Variants in STIP1 observed in about 807,000 individuals in gnomAD.
STIP1 encodes stress-induced-phosphoprotein 1.
A neutral mutation model predicts 77.4 loss-of-function variants in STIP1; 16 were observed. That is an observed-to-expected ratio of 0.21 (90% CI 0.14 to 0.31). STIP1 has a LOEUF of 0.31. STIP1 is among the 10% of genes least tolerant of loss of function. The probability of loss-of-function intolerance (pLI) is 1.00; values close to 1 mark genes in which losing one functional copy is unlikely to be tolerated. For missense variants in STIP1, 524 were observed against 684.8 expected (o/e 0.77, Z 2.62); for synonymous variants, 258 against 246.6 (o/e 1.05, Z -0.44).
chr11:64,186,204 G>A lies in STIP1; in HGVS notation c.-58G>A. 2 of 1,550,856 alleles carry A rather than the reference G, an allele frequency of 1.3e-6. No individual in the cohort carries two copies. Among genetic ancestry groups the A allele is most frequent in the Non-Finnish European group, 1.7e-6 (2 of 1,146,960 alleles). ...GTAGGTTCCAGAAGGCGGCGCGTGC[G>A]GTTGGGAACGCGGAGCGGACGGATT... On this transcript the variant is annotated 5_prime_UTR_variant, in exon 1 of 14. Transcript: ENST00000305218.
chr11:64,191,481 CTG>C (rs1191846247), intron 1 of STIP1, among the ~76,000 whole-genome samples: 1 of 151,940 alleles, frequency 6.6e-6, no homozygotes, highest in East Asian at 1.9e-4. Flanking sequence ...TGGCGGGTGA[CTG>C]TAATCCCAGC....
rs759661239 is a variant in STIP1 at position 64,195,819 on chromosome 11, G to T, written c.672+6G>T. On this transcript the variant is annotated splice_donor_region_variant and intron_variant, in intron 5 of 13. Transcript: ENST00000305218. ...TTCCAGAGAATAAGAAGCAGGTCTT[G>T]TTTTTTTCTCTCCTCACTGTCACCT... The T allele has an allele frequency of 9.3e-6, 15 of 1,613,846 alleles. No individual in the cohort carries two copies. In the African/African-American group the frequency reaches 2.0e-4, roughly 22 times the overall value.
At chr11:64,195,885 T>A (rs777862228) in intron 5 of STIP1, 72 bp downstream of exon 5, 1 of 1,588,196 alleles carries the variant, frequency 6.3e-7, no homozygotes, top group African/African-American at 1.4e-5. Flanking sequence ...AATGGGGACA[T>A]CTGTTGACCT....
intron 8 of STIP1, 112 bp downstream of exon 8, chr11:64,198,086 TCTCA>T (rs1241011915): frequency 7.2e-6 from 10 of 1,386,768 alleles, no homozygotes; most frequent in African/African-American, 2.9e-5. Context: ...TGAGATAGGG[TCTCA>T]CTCTTTCACC....
intron 1 of STIP1, among the ~76,000 whole-genome samples, chr11:64,192,412 C>T (rs1416767466): frequency 1.3e-5 from 2 of 152,238 alleles, no homozygotes; most frequent in Non-Finnish European, 2.9e-5. Context: ...TTTCTTCATC[C>T]TCCATCCCCT....
chr11:64,203,003 G>T, intron 11 of STIP1, 91 bp downstream of exon 11: 1 of 1,602,956 alleles, frequency 6.2e-7, no homozygotes, highest in South Asian at 1.1e-5. Flanking sequence ...GTGTCCTTGG[G>T]ACCTGTAGGA....
chr11:64,202,832 G>A (rs755684136), intron 10 of STIP1, 44 bp from the exon 11 acceptor site: 1 of 1,613,748 alleles, frequency 6.2e-7, no homozygotes, highest in Non-Finnish European at 8.5e-7. Context: ...TACTGAGCTT[G>A]TCCAAGGGAA....
intron 1 of STIP1, 119 bp from the exon 2 acceptor site, chr11:64,192,959 C>A: frequency 1.0e-6 from 1 of 957,976 alleles, no homozygotes; most frequent in African/African-American, 1.6e-5. Context: ...TTTCTCTCTT[C>A]TGATCTGTAA....
intron 11 of STIP1, 22 bp from the exon 12 acceptor site, chr11:64,203,103 G>A (rs1565284196): frequency 3.1e-6 from 5 of 1,613,914 alleles, no homozygotes; most frequent in Non-Finnish European, 3.4e-6. Context: ...GTTGGATAAC[G>A]CGCCACCTTT....
At chr11:64,202,125 C>T (rs1946225068) in intron 10 of STIP1, among the ~76,000 whole-genome samples, 1 of 152,226 alleles carries the variant, frequency 6.6e-6, no homozygotes, top group African/African-American at 2.4e-5. Context: ...CACGCGACCT[C>T]ACCAGACCAA....
At position 64,193,071 on chromosome 11, in the gene STIP1, C is replaced by T. The variant is rs1401489302; in HGVS notation, c.10-7C>T. On this transcript the variant is annotated splice_region_variant and splice_polypyrimidine_tract_variant and intron_variant, in intron 1 of 13. Coordinates refer to ENST00000305218, the MANE Select transcript of STIP1 (RefSeq NM_006819.3). Reference sequence around the variant, plus strand: ...CATAGAGAAGCTGTGTGTTCCTTTCCCCTCAGGTCAATGAGCTGAAGGAGA... The same window carrying T: ...CATAGAGAAGCTGTGTGTTCCTTTCTCCTCAGGTCAATGAGCTGAAGGAGA... The T allele has an allele frequency of 1.2e-6, 2 of 1,613,648 alleles. No individual in the cohort carries two copies. Among genetic ancestry groups the T allele is most frequent in the Non-Finnish European group, 1.7e-6 (2 of 1,179,780 alleles).
Position 64,202,913 on chromosome 11 carries a change from G to A in STIP1, c.1282+1G>A. ...TGTATCCAGCTGGAGCCGACCTTCA[G>A]TAAGTGCCTTTCTGCTGCCTGTCCC... is the stretch of plus-strand genomic sequence containing the variant. On this transcript the variant is annotated splice_donor_variant, in intron 11 of 13. Transcript: ENST00000305218. LOFTEE classifies it high-confidence loss of function. The A allele has an allele frequency of 6.2e-7, 1 of 1,614,204 alleles. No individual in the cohort carries two copies. Among genetic ancestry groups the A allele is most frequent in the African/African-American group, 1.3e-5 (1 of 75,048 alleles).
intron 1 of STIP1, 57 bp downstream of exon 1, chr11:64,186,327 A>T: frequency 7.8e-5 from 16 of 204,720 alleles, no homozygotes; most frequent in Non-Finnish European, 1.0e-4. Flanking sequence ...GGCGGTGGCC[A>T]GGCCGCGGTA....
rs1946239455 is a variant in STIP1 at position 64,203,152 on chromosome 11, C to T, written c.1310C>T (p.Ala437Val). ...FIKGYTRKAA[A>V]LEAMKDYTKA... The stretch of plus-strand genomic sequence containing the variant: ...AAGGGTTATACACGGAAAGCCGCTG[C>T]GCTGGAAGCGATGAAGGACTACACC... Residue 437 changes from alanine to valine, a missense_variant, in exon 12 of 14, where the codon GCG becomes GTG. Ala to Val is a moderately conservative substitution (Grantham distance 64). Transcript: ENST00000305218. The T allele has an allele frequency of 6.2e-7, 1 of 1,614,202 alleles. No homozygotes were observed. The highest frequency in any genetic ancestry group is 8.5e-7 in the Non-Finnish European group (1 of 1,180,044).
At chr11:64,192,184 T>G (rs1321558467) in intron 1 of STIP1, among the ~76,000 whole-genome samples, 4 of 151,960 alleles carry the variant, frequency 2.6e-5, no homozygotes, top group African/African-American at 7.3e-5. Context: ...TGTGGGGGTG[T>G]GCGCCTGTAG....
In STIP1 at chr11:64,204,226, C is replaced by T; in HGVS notation, c.*100C>T. 3 of 1,158,756 alleles carry T rather than the reference C, an allele frequency of 2.6e-6. No homozygotes were observed. The highest frequency in any genetic ancestry group is 2.1e-5 in the Admixed American group (1 of 48,204). The allele number at this position is 1,158,756 out of a possible 1,614,324, so 71.8% of individuals were successfully genotyped here. A position where few individuals can be genotyped will look rare whatever the true frequency, so the allele number is the denominator to read the frequency against. On this transcript the variant is annotated 3_prime_UTR_variant, in exon 14 of 14. Coordinates refer to ENST00000305218, the MANE Select transcript of STIP1 (RefSeq NM_006819.3). ...GGAAGGGAGAGCAGGGGAGAGAAGG[C>T]CTCATCTCTCTATATTTATACATAA...
chr11:64,202,364 C>T (rs190484794), intron 10 of STIP1: 1 of 149,316 alleles, frequency 6.7e-6, no homozygotes, highest in African/African-American at 2.5e-5. Flanking sequence ...TCTTGAGTAG[C>T]TGGGATTATT....
chr11:64,202,549 T>G, intron 10 of STIP1: 1 of 303,900 alleles, frequency 3.3e-6, no homozygotes, highest in Non-Finnish European at 6.3e-6. Flanking sequence ...CACCCAGCGT[T>G]GTTTTGTTTT....
intron 10 of STIP1, among the ~76,000 whole-genome samples, chr11:64,200,857 T>G (rs966346420): frequency 6.6e-6 from 1 of 151,962 alleles, no homozygotes; most frequent in Non-Finnish European, 1.5e-5. Context: ...CACACTGGAG[T>G]GCCGTGGCAC....
Sources: gnomAD v4.1 joint callset for allele counts (sites outside exome capture counted in the v4.1 genomes callset) on GRCh38, gnomAD v4.1.1 for gene constraint, MANE v1.5 for transcripts, NCBI Gene and HGNC (gene_info 2026-07-23, HGNC 2026-07-21) for gene names.